ABCC4: variants seen among roughly 807,000 people sequenced by gnomAD.
ABCC4 encodes the protein ATP-binding cassette sub-family C member 4.
ABCC4 carries 102 observed loss-of-function variants against 168.5 expected under a neutral mutation model. The observed-to-expected ratio is 0.61, with a 90% CI of 0.52 to 0.71. The LOEUF is 0.71. ABCC4 is among the 30% of genes least tolerant of loss of function. ABCC4 has a pLI of 0.00. For synonymous variants in ABCC4, 617 were observed against 590.7 expected (o/e 1.04, Z -0.65); for missense variants, 1,402 against 1,605.8 (o/e 0.87, Z 2.17).
intron 27 of ABCC4, among the ~76,000 whole-genome samples, chr13:95,045,200 T>C (rs2032525890): frequency 6.6e-6 from 1 of 152,194 alleles, no homozygotes; most frequent in Admixed American, 6.5e-5. Flanking sequence ...TGAAAGGATC[T>C]TTCTGGTTGA....
intron 25 of ABCC4, among the ~76,000 whole-genome samples, chr13:95,064,164 C>G (rs1201768189): frequency 1.3e-5 from 2 of 150,884 alleles, no homozygotes; most frequent in Non-Finnish European, 2.9e-5. Context: ...ATTTTATTAA[C>G]TTTGGAGTCA....
At chr13:95,022,557 G>A (rs1368416685) in intron 30 of ABCC4, among the ~76,000 whole-genome samples, 1 of 152,136 alleles carries the variant, frequency 6.6e-6, no homozygotes, top group African/African-American at 2.4e-5. Context: ...ATCTCAAAAC[G>A]TGTTTGGGTG....
intron 9 of ABCC4, among the ~76,000 whole-genome samples, chr13:95,189,797 C>A (rs1042307849): frequency 1.3e-5 from 2 of 152,128 alleles, no homozygotes; most frequent in African/African-American, 4.8e-5. Context: ...CAGTGTTACA[C>A]CTGCAGCTTG....
At chr13:95,061,455 C>T (rs1255981791) in intron 26 of ABCC4, among the ~76,000 whole-genome samples, 2 of 152,144 alleles carry the variant, frequency 1.3e-5, no homozygotes, top group Non-Finnish European at 2.9e-5. Context: ...ATTCTCCTTC[C>T]CTTCCGGTGG....
At chr13:95,167,711 C>T (rs1395786130) in intron 14 of ABCC4, among the ~76,000 whole-genome samples, 2 of 152,158 alleles carry the variant, frequency 1.3e-5, no homozygotes, top group Non-Finnish European at 2.9e-5. Flanking sequence ...CCTACTGGTA[C>T]TGAGATGGCA....
chr13:95,178,387 C>T lies in ABCC4; in HGVS notation c.1546-296G>A, dbSNP rs572553351. On this transcript the variant is annotated intron_variant, in intron 11 of 30. Transcript: ENST00000645237. ...CAGCAACTCCTTGTGAATTCAGCAG[C>T]GAAAGAGTTTCCACAGTGAGTGACC... 5.3e-5 allele frequency among the ~76,000 whole-genome samples: 8 copies of T among 152,218 alleles called. No homozygotes were observed. In the East Asian group the frequency reaches 9.7e-4, roughly 18 times the overall value.
rs756239972 is a variant in ABCC4, at chr13:95,246,968, C to A, written c.306+7G>T. The A allele has an allele frequency of 6.2e-7, 1 of 1,611,052 alleles. No homozygotes were observed. The highest frequency in any genetic ancestry group is 1.1e-5 in the South Asian group (1 of 90,566). ...AAAAACAATTCATGGTATGTAAAAG[C>A]TTTTACCTCAATTAACGTAAAAATT... On this transcript the variant is annotated splice_region_variant and intron_variant, in intron 3 of 30. Transcript: ENST00000645237.
chr13:95,249,229 A>AAATAG (rs71207586), intron 1 of ABCC4, among the ~76,000 whole-genome samples: 1 of 148,530 alleles, frequency 6.7e-6, no homozygotes, highest in Admixed American at 6.7e-5. Context: ...AAAAAAAAAA[A>AAATAG]AAGAAGAAGA....
intron 19 of ABCC4, among the ~76,000 whole-genome samples, chr13:95,155,602 C>T (rs2036828898): frequency 6.6e-6 from 1 of 151,990 alleles, no homozygotes; most frequent in Non-Finnish European, 1.5e-5. Context: ...TTTTGTTACA[C>T]TGTTGAAGGC....
chr13:95,240,531 A>AACACAC (rs56298285), intron 3 of ABCC4, among the ~76,000 whole-genome samples: 168 of 149,654 alleles, frequency 1.1e-3, no homozygotes, highest in African/African-American at 4.0e-3. Flanking sequence ...TCCATCTCAA[A>AACACAC]ACACACACAC....
At chr13:95,286,799 A>C (rs2041267766) in intron 1 of ABCC4, among the ~76,000 whole-genome samples, 1 of 151,808 alleles carries the variant, frequency 6.6e-6, no homozygotes, top group African/African-American at 2.4e-5. Flanking sequence ...TCTACTAAAA[A>C]TACAAAAATT....
Position 95,073,276 on chromosome 13 carries a change from T to A in ABCC4, c.2946A>T (p.Ala982=), listed in dbSNP as rs1462806443. 6.2e-7 allele frequency: 1 copy of A among 1,613,676 alleles called. No homozygotes were observed. The highest frequency in any genetic ancestry group is 1.1e-5 in the South Asian group (1 of 90,986). The part of the protein sequence containing the change: ...KTLDAGQVGL[A]LSYALTLMGM... ...CCATGAGCGTGAGGGCATAGGACAG[T>A]GCCAAACCAACCTGCCCGGCATCCA... The change falls in exon 24 of 31, where the codon GCA becomes GCT. Residue 982 remains alanine (A), a synonymous_variant. Transcript: ENST00000645237.
At chr13:95,127,277 A>G (rs1258351154) in intron 19 of ABCC4, among the ~76,000 whole-genome samples, 1 of 151,918 alleles carries the variant, frequency 6.6e-6, no homozygotes, top group Non-Finnish European at 1.5e-5. Flanking sequence ...GGCTTCAGGG[A>G]TATAAATTTA....
intron 26 of ABCC4, among the ~76,000 whole-genome samples, chr13:95,058,498 G>A (rs1021102626): frequency 3.5e-5 from 5 of 142,038 alleles, no homozygotes; most frequent in African/African-American, 1.3e-4. Context: ...GAACCCAGGA[G>A]GCAGATATTG....
chr13:95,272,981 C>A (rs7324355), intron 1 of ABCC4, among the ~76,000 whole-genome samples: 7,400 of 152,088 alleles, frequency 0.049, 214 homozygotes, highest in Middle Eastern at 0.1. Flanking sequence ...ACACACACAC[C>A]CCCTACAGGA....
intron 19 of ABCC4, among the ~76,000 whole-genome samples, chr13:95,153,712 T>C (rs1210520183): frequency 6.6e-6 from 1 of 152,214 alleles, no homozygotes; most frequent in Admixed American, 6.6e-5. Context: ...TGATTTATTA[T>C]GGAGAAAAAC....
At chr13:95,176,231 G>C (rs1446891235) in intron 13 of ABCC4, among the ~76,000 whole-genome samples, 8 of 63,610 alleles carry the variant, frequency 1.3e-4, no homozygotes, top group African/African-American at 3.7e-4. Flanking sequence ...GGCAGGGGGG[G>C]GGGGGGGGGG....
intron 19 of ABCC4, among the ~76,000 whole-genome samples, chr13:95,145,036 T>C (rs1170096098): frequency 2.0e-5 from 3 of 151,724 alleles, no homozygotes; most frequent in Admixed American, 6.6e-5. Context: ...ACCAAGCATA[T>C]GAAAAAAAGC....
chr13:95,260,869 T>C (rs4148431), intron 1 of ABCC4, among the ~76,000 whole-genome samples: 130,446 of 151,442 alleles, frequency 0.86, 56,764 homozygotes, highest in African/African-American at 0.97. Context: ...TACAGTGACT[T>C]GCATCCTTTT....
Sources: allele counts gnomAD v4.1 joint callset (sites outside exome capture counted in the v4.1 genomes callset), GRCh38; gene constraint gnomAD v4.1.1; transcripts MANE v1.5; gene names NCBI Gene and HGNC (gene_info 2026-07-23, HGNC 2026-07-21).